Variants in TIAM2 observed in about 807,000 individuals in gnomAD.
TIAM2 encodes the protein TIAM Rac1 associated GEF 2, also known as rho guanine nucleotide exchange factor TIAM2.
A neutral mutation model predicts 152.9 loss-of-function variants in TIAM2; 80 were observed. The observed-to-expected ratio is 0.52, with a 90% confidence interval of 0.44 to 0.63. The LOEUF (loss-of-function observed/expected upper bound fraction) is 0.63, where lower values mean the gene tolerates loss of function less well. TIAM2 is among the 30% of genes least tolerant of loss of function. TIAM2 has a pLI of 0.00. For missense variants in TIAM2, 1,965 were observed against 2,120.1 expected (o/e 0.93, Z 1.44); for synonymous variants, 804 against 838.0 (o/e 0.96, Z 0.70).
At position 155,148,297 on chromosome 6, in the gene TIAM2, T is replaced by C; in HGVS notation, c.1991T>C (p.Val664Ala). The change falls in exon 7 of 27, where the codon GTG becomes GCG. Residue 664 changes from valine (V) to alanine (A), a missense_variant. Around this residue, in one of 3 missense-constraint regions of TIAM2, gnomAD observed 1,025 missense variants for 1,119.4 expected, o/e 0.92. Transcript: ENST00000682666. The part of the protein sequence containing the change: ...KKMAELQLSV[V>A]SDPKNRKAIE... ...ATGGCAGAGCTGCAGCTGTCCGTGG[T>C]GAGCGACCCAAAGAACAGGAAAGCC... The C allele has an allele frequency of 6.2e-7, 1 of 1,612,230 alleles. No homozygotes were observed. The highest frequency in any genetic ancestry group is 1.1e-5 in the South Asian group (1 of 90,996).
chr6:155,000,403 T>A (rs1007647791), intron 1 of TIAM2, among the ~76,000 whole-genome samples: 22 of 152,024 alleles, frequency 1.4e-4, no homozygotes, highest in African/African-American at 4.8e-4. Flanking sequence ...TGGTGGCACA[T>A]GCCTGTAATC....
intron 7 of TIAM2, 71 bp from the exon 8 acceptor site, chr6:155,164,344 G>A: frequency 2.1e-6 from 3 of 1,408,096 alleles, no homozygotes; most frequent in Non-Finnish European, 2.9e-6. Context: ...TTTGTGAAAG[G>A]GATCACATTT....
intron 1 of TIAM2, chr6:155,005,253 GCAGGC>G: frequency 8.8e-6 from 2 of 226,456 alleles, no homozygotes; most frequent in South Asian, 1.6e-4. Context: ...CCGTCTGGAA[GCAGGC>G]CAGGCATCCT....
At chr6:155,104,056 C>CACACACACA (rs1562316977) in intron 2 of TIAM2, among the ~76,000 whole-genome samples, 4 of 55,628 alleles carry the variant, frequency 7.2e-5, no homozygotes, top group African/African-American at 3.5e-4. Flanking sequence ...CCCCCCACAC[C>CACACACACA]CCCACACACC....
At chr6:155,165,028 T>C (rs1328810048) in intron 8 of TIAM2, among the ~76,000 whole-genome samples, 3 of 152,018 alleles carry the variant, frequency 2.0e-5, no homozygotes, top group Non-Finnish European at 4.4e-5. Flanking sequence ...AGCCTAGGGG[T>C]CTGTAGTGGT....
intron 1 of TIAM2, among the ~76,000 whole-genome samples, chr6:155,038,223 A>G (rs530866263): frequency 6.6e-6 from 1 of 152,320 alleles, no homozygotes; most frequent in African/African-American, 2.4e-5. Flanking sequence ...CTCGCCCGTT[A>G]TCCTTCAGAT....
At chr6:155,182,161 G>A (rs1432216966) in intron 12 of TIAM2, 65 bp from the exon 13 acceptor site, 1 of 1,316,382 alleles carries the variant, frequency 7.6e-7, no homozygotes, top group Non-Finnish European at 1.1e-6. Flanking sequence ...GATACTGCCG[G>A]TGTGGTTGGA....
chr6:155,082,816 C>A (rs186340874), intron 1 of TIAM2, among the ~76,000 whole-genome samples: 28 of 151,938 alleles, frequency 1.8e-4, no homozygotes, highest in African/African-American at 6.5e-4. Context: ...AGAGAGAGAG[C>A]CTTACTATAC....
At chr6:155,116,441 T>C (rs1779013715) in intron 2 of TIAM2, among the ~76,000 whole-genome samples, 1 of 152,164 alleles carries the variant, frequency 6.6e-6, no homozygotes, top group Non-Finnish European at 1.5e-5. Flanking sequence ...AGTTACACAT[T>C]TTATGAAGGT....
At chr6:155,188,721 A>T (rs1377950316) in intron 14 of TIAM2, among the ~76,000 whole-genome samples, 1 of 152,206 alleles carries the variant, frequency 6.6e-6, no homozygotes, top group Non-Finnish European at 1.5e-5. Flanking sequence ...CTTTTGAAAC[A>T]TTCCAGCAGC....
chr6:155,124,390 G>A (rs747383084), intron 2 of TIAM2, among the ~76,000 whole-genome samples: 3 of 152,024 alleles, frequency 2.0e-5, no homozygotes, highest in Non-Finnish European at 4.4e-5. Context: ...GAGTGCAACG[G>A]CACAATCTCG....
chr6:155,092,858 A>G (rs553293514), intron 2 of TIAM2, among the ~76,000 whole-genome samples: 15 of 152,324 alleles, frequency 9.8e-5, no homozygotes, highest in African/African-American at 3.6e-4. Context: ...TCTGTCTCAA[A>G]AAAATAAATT....
At chr6:155,120,917 G>T (rs1779135527) in intron 2 of TIAM2, among the ~76,000 whole-genome samples, 1 of 152,164 alleles carries the variant, frequency 6.6e-6, no homozygotes, top group Non-Finnish European at 1.5e-5. Flanking sequence ...CCAGTTCAAT[G>T]CGCATTCAGG....
intron 14 of TIAM2, among the ~76,000 whole-genome samples, chr6:155,209,151 T>A (rs1407851364): frequency 6.6e-6 from 1 of 152,024 alleles, no homozygotes; most frequent in Non-Finnish European, 1.5e-5. Flanking sequence ...ATATCATCTG[T>A]GACCCTTGGT....
Position 155,164,499 on chromosome 6 carries a change from G to C in TIAM2, c.2113G>C (p.Glu705Gln). The stretch of plus-strand genomic sequence containing the variant: ...CTATCTGGCCAGCCTACAAGGTGGG[G>C]AGTTACCGAACCCAAAGAGTCTCCT... ...RCYLASLQGG[E>Q]LPNPKSLLAA... Residue 705 changes from glutamate to glutamine, a missense_variant, in exon 8 of 27, where the codon GAG (glutamate) becomes CAG (glutamine). Physicochemically the swap from Glu to Gln is conservative, Grantham distance 29. Coordinates refer to ENST00000682666, the MANE Select transcript of TIAM2 (RefSeq NM_012454.4). The C allele has an allele frequency of 6.2e-7, 1 of 1,614,112 alleles. No individual in the cohort carries two copies. Among genetic ancestry groups the C allele is most frequent in the South Asian group, 1.1e-5 (1 of 91,074 alleles).
intron 14 of TIAM2, among the ~76,000 whole-genome samples, chr6:155,193,152 C>A (rs1366432848): frequency 6.6e-6 from 1 of 152,142 alleles, no homozygotes; most frequent in African/African-American, 2.4e-5. Context: ...CACCTGTAAT[C>A]CCAGGATTTT....
intron 9 of TIAM2, 112 bp downstream of exon 9, chr6:155,165,521 G>C: frequency 7.0e-7 from 1 of 1,423,968 alleles, no homozygotes; most frequent in Non-Finnish European, 9.5e-7. Flanking sequence ...GAAATGAGGC[G>C]AGGTGGGGTG....
chr6:155,020,709 A>C (rs1431144631), intron 1 of TIAM2, among the ~76,000 whole-genome samples: 1 of 152,184 alleles, frequency 6.6e-6, no homozygotes, highest in East Asian at 1.9e-4. Context: ...GTGATCTGCC[A>C]GCCTCGGCCT....
At chr6:155,219,010 ACCATCTCAGCCG>A (rs1781953960) in intron 15 of TIAM2, among the ~76,000 whole-genome samples, 1 of 35,184 alleles carries the variant, frequency 2.8e-5, no homozygotes, top group African/African-American at 8.4e-5. Context: ...CGTGTTCTTG[ACCATCTCAGCCG>A]CCCACCCGTG....
Sources: gnomAD v4.1 joint callset for allele counts (sites outside exome capture counted in the v4.1 genomes callset) on GRCh38, gnomAD v4.1.1 for gene constraint, gnomAD v4.1.1 regional missense constraint, MANE v1.5 for transcripts, NCBI Gene and HGNC (gene_info 2026-07-23, HGNC 2026-07-21) for gene names.